The following DIP2C variants were observed in gnomAD, a reference collection of about 807,000 sequenced individuals.
DIP2C encodes DIP2 acetate--CoA ligase C (putative), also known as disco-interacting protein 2 homolog C.
In DIP2C, 33 loss-of-function variants were observed where a neutral mutation model predicts 192.4. The observed-to-expected ratio is 0.17, with a 90% CI of 0.13 to 0.23. DIP2C has a LOEUF of 0.23. DIP2C is among the 10% of genes least tolerant of loss of function. The pLI, the probability that DIP2C is intolerant of heterozygous loss-of-function variation, is 1.00. For missense variants in DIP2C, 1,537 were observed against 2,110.1 expected (o/e 0.73, Z 5.32); for synonymous variants, 979 against 864.1 (o/e 1.13, Z -2.33).
chr10:616,360 A>G (rs1257712278), intron 1 of DIP2C, among the ~76,000 whole-genome samples: 1 of 152,240 alleles, frequency 6.6e-6, no homozygotes, highest in Non-Finnish European at 1.5e-5. Flanking sequence ...TAAACAAACC[A>G]ATTATTCAAG....
At chr10:593,295 A>C (rs1851508039) in intron 1 of DIP2C, among the ~76,000 whole-genome samples, 1 of 152,068 alleles carries the variant, frequency 6.6e-6, no homozygotes, top group Non-Finnish European at 1.5e-5. Context: ...AGAGCCTGCA[A>C]ACACCCACGC....
Position 689,484 on chromosome 10 carries a change from G to A in DIP2C, c.85+10C>T, listed in dbSNP as rs749682238. 1.2e-5 allele frequency: 15 copies of A among 1,215,532 alleles called. No homozygotes were observed. The East Asian group carries it at 4.4e-4, about 35-fold the overall frequency. The allele number at this position is 1,215,532 out of a possible 1,614,324, so 75.3% of individuals were successfully genotyped here. ...CAGCGCGGCCCGGCCCGGGGCGGGG[G>A]CCCGGTTACCTTCCGACAGCTCCAG... On this transcript the variant is annotated intron_variant, in intron 1 of 36. Coordinates refer to ENST00000280886, the MANE Select transcript of DIP2C (RefSeq NM_014974.3). The surrounding 1 kb of genome is among the most constrained non-coding windows in gnomAD (Gnocchi z 6.1).
At chr10:501,647 C>T (rs1845236330) in intron 1 of DIP2C, among the ~76,000 whole-genome samples, 1 of 151,970 alleles carries the variant, frequency 6.6e-6, no homozygotes, top group Non-Finnish European at 1.5e-5. Flanking sequence ...TACAAGGTGA[C>T]TTGCAGAACA....
At chr10:606,422 G>A (rs552478567) in intron 1 of DIP2C, among the ~76,000 whole-genome samples, 5 of 151,782 alleles carry the variant, frequency 3.3e-5, no homozygotes, top group Admixed American at 1.3e-4. Flanking sequence ...GCTGTGATCC[G>A]AATTCTCATT....
intron 4 of DIP2C, among the ~76,000 whole-genome samples, chr10:432,630 T>C (rs770795348): frequency 6.6e-6 from 1 of 152,210 alleles, no homozygotes; most frequent in Non-Finnish European, 1.5e-5. Flanking sequence ...TTTCGTTGAT[T>C]TTCTCTACTG....
rs1484046617 is a variant in DIP2C, at chr10:663,091, G to A, written c.85+26403C>T. The A allele has an allele frequency of 8.6e-6, 5 of 580,864 alleles. No individual in the cohort carries two copies. In the East Asian group the frequency reaches 1.4e-4, roughly 17 times the overall value. 36.0% of individuals were successfully genotyped at this position (580,864 alleles called of 1,614,324 possible). Reference sequence around the variant, plus strand: ...GACCCAGTGATACCACTCTCCAGTGGGCAGCCTGGTCTGCAGAGGGGGAGA... The same window carrying A: ...GACCCAGTGATACCACTCTCCAGTGAGCAGCCTGGTCTGCAGAGGGGGAGA... On this transcript the variant is annotated intron_variant, in intron 1 of 36. Coordinates refer to ENST00000280886, the MANE Select transcript of DIP2C (RefSeq NM_014974.3).
chr10:401,835 T>TG (rs1422724857), intron 9 of DIP2C, among the ~76,000 whole-genome samples: 1 of 151,550 alleles, frequency 6.6e-6, no homozygotes, highest in Non-Finnish European at 1.5e-5. Flanking sequence ...TTTACACGTG[T>TG]GGCAGCATTA....
At chr10:566,338 G>T (rs1265162184) in intron 1 of DIP2C, among the ~76,000 whole-genome samples, 2 of 152,166 alleles carry the variant, frequency 1.3e-5, no homozygotes, top group African/African-American at 4.8e-5. Context: ...CGGGGTAACC[G>T]CACCAGGCCT....
In DIP2C at chr10:499,791, T is replaced by C. The variant is rs568389922; in HGVS notation, c.86-13261A>G. On this transcript the variant is annotated intron_variant, in intron 1 of 36. Coordinates refer to ENST00000280886, the MANE Select transcript of DIP2C (RefSeq NM_014974.3). The stretch of plus-strand genomic sequence containing the variant: ...TGGGTGGGGATACAGAGCCAAACCG[T>C]ATCATGGGCTTTACTAACACCATTT... Among the ~76,000 whole-genome samples the C allele has an allele frequency of 9.2e-5, 14 of 152,324 alleles. No homozygotes were observed. In the East Asian group the frequency reaches 2.3e-3, roughly 25 times the overall value.
intron 23 of DIP2C, among the ~76,000 whole-genome samples, 175 bp downstream of exon 23, chr10:357,653 G>A (rs1300191658): frequency 2.6e-5 from 4 of 152,190 alleles, no homozygotes; most frequent in South Asian, 2.1e-4. Flanking sequence ...GCGCGACATC[G>A]GAGACTGTCG....
At chr10:540,973 G>A (rs1847950015) in intron 1 of DIP2C, among the ~76,000 whole-genome samples, 1 of 152,098 alleles carries the variant, frequency 6.6e-6, no homozygotes, top group Non-Finnish European at 1.5e-5. Flanking sequence ...CGCAGATGGG[G>A]AAGGATGTGG....
At chr10:594,565 G>A (rs986231767) in intron 1 of DIP2C, among the ~76,000 whole-genome samples, 19 of 152,304 alleles carry the variant, frequency 1.2e-4, no homozygotes, top group Admixed American at 1.0e-3. Context: ...ACATGGCTGA[G>A]TACAAATCAT....
intron 1 of DIP2C, among the ~76,000 whole-genome samples, chr10:621,902 G>A (rs1052387943): frequency 1.3e-5 from 2 of 152,212 alleles, no homozygotes; most frequent in Middle Eastern, 6.8e-3. Flanking sequence ...AATCTACTGT[G>A]AAGGTCTAAG....
chr10:439,433 C>T (rs1470306229), intron 4 of DIP2C, among the ~76,000 whole-genome samples: 2 of 152,104 alleles, frequency 1.3e-5, no homozygotes, highest in Non-Finnish European at 2.9e-5. Context: ...ACAACAACAA[C>T]ATAGGAACAC....
chr10:336,104 C>G (rs1468149206), intron 29 of DIP2C, among the ~76,000 whole-genome samples: 1 of 152,132 alleles, frequency 6.6e-6, no homozygotes, highest in Admixed American at 6.5e-5. Flanking sequence ...TGTGGTGGTT[C>G]ATGCCTATAA....
At chr10:324,124 C>T (rs1957157460) in intron 31 of DIP2C, among the ~76,000 whole-genome samples, 1 of 152,214 alleles carries the variant, frequency 6.6e-6, no homozygotes, top group Admixed American at 6.5e-5. Context: ...ACTCTATCCT[C>T]TCACTGCTCG....
At chr10:334,651 A>C (rs1391066087) in intron 29 of DIP2C, among the ~76,000 whole-genome samples, 1 of 152,192 alleles carries the variant, frequency 6.6e-6, no homozygotes, top group Non-Finnish European at 1.5e-5. Flanking sequence ...TTTCATGTGA[A>C]TGTCCGAATT....
intron 14 of DIP2C, among the ~76,000 whole-genome samples, chr10:384,890 AAGG>A (rs1017598125): frequency 8.0e-5 from 12 of 150,554 alleles, no homozygotes; most frequent in Admixed American, 2.0e-4. Flanking sequence ...GCCCCCAGGG[AAGG>A]AGGAGGAGAA....
At chr10:458,270 A>G (rs1027490862) in intron 3 of DIP2C, among the ~76,000 whole-genome samples, 4 of 152,252 alleles carry the variant, frequency 2.6e-5, no homozygotes, top group African/African-American at 9.6e-5. Context: ...ATTGGAATCA[A>G]TGAGAAAATT....
Sources: gnomAD v4.1 joint callset for allele counts (sites outside exome capture counted in the v4.1 genomes callset) on GRCh38, gnomAD v4.1.1 for gene constraint, Gnocchi (gnomAD v3.1) non-coding constraint, MANE v1.5 for transcripts, NCBI Gene and HGNC (gene_info 2026-07-23, HGNC 2026-07-21) for gene names.